The following SLC35D4 variants were observed in gnomAD, a reference collection of about 807,000 sequenced individuals.
SLC35D4 encodes UDP-N-acetylglucosamine transporter SLC35D4.
At chr18:23,387,902 T>C in the SLC35D4 span, among the ~76,000 whole-genome samples, 1 of 152,214 alleles carries the variant, frequency 6.6e-6, no homozygotes, top group Non-Finnish European at 1.5e-5. Context: ...TTAAGATTAT[T>C]AAAGAGATTA....
At chr18:23,321,154 G>A in the SLC35D4 span, among the ~76,000 whole-genome samples, 2 of 152,120 alleles carry the variant, frequency 1.3e-5, no homozygotes, top group Admixed American at 1.3e-4. Context: ...CCCTTACCAT[G>A]AGGAAAACAG....
the SLC35D4 span, among the ~76,000 whole-genome samples, chr18:23,307,660 T>C: frequency 6.6e-6 from 1 of 152,210 alleles, no homozygotes; most frequent in African/African-American, 2.4e-5. Context: ...CACAGCTGGG[T>C]CCTCTCCGAC....
chr18:23,379,161 T>C, the SLC35D4 span, among the ~76,000 whole-genome samples: 1 of 151,460 alleles, frequency 6.6e-6, no homozygotes, highest in Non-Finnish European at 1.5e-5. Context: ...TCTTGCTCTG[T>C]TGCCCAGGAT....
the SLC35D4 span, among the ~76,000 whole-genome samples, chr18:23,304,724 T>A: frequency 6.6e-6 from 1 of 151,982 alleles, no homozygotes; most frequent in Admixed American, 6.6e-5. Flanking sequence ...GAAGATTAGC[T>A]CCCTGCTTCA....
At chr18:23,280,537 C>T in the SLC35D4 span, among the ~76,000 whole-genome samples, 1 of 152,204 alleles carries the variant, frequency 6.6e-6, no homozygotes, top group African/African-American at 2.4e-5. Context: ...TTGCTACACA[C>T]GTGAACACGA....
chr18:23,352,713 G>C, the SLC35D4 span, among the ~76,000 whole-genome samples: 3 of 152,174 alleles, frequency 2.0e-5, no homozygotes, highest in Non-Finnish European at 4.4e-5. Flanking sequence ...AGAGAGTCTG[G>C]ACTGGCCTCC....
At chr18:23,246,575 TA>T in the SLC35D4 span, among the ~76,000 whole-genome samples, 1 of 151,834 alleles carries the variant, frequency 6.6e-6, no homozygotes, top group Admixed American at 6.6e-5. Flanking sequence ...GTGTTTTTAG[TA>T]GAGATGGGGT....
chr18:23,415,001 A>G, the SLC35D4 span, among the ~76,000 whole-genome samples: 1 of 152,108 alleles, frequency 6.6e-6, no homozygotes, highest in African/African-American at 2.4e-5. Context: ...AGTTTCAGCT[A>G]CTCAGGAGGC....
At chr18:23,308,874 CTCTGTGTGTG>C in the SLC35D4 span, among the ~76,000 whole-genome samples, 1 of 144,184 alleles carries the variant, frequency 6.9e-6, no homozygotes, top group Admixed American at 7.0e-5. Context: ...CTCTCTCTCT[CTCTGTGTGTG>C]TGTGTGTGTG....
At chr18:23,269,179 A>T in the SLC35D4 span, among the ~76,000 whole-genome samples, 1 of 152,184 alleles carries the variant, frequency 6.6e-6, no homozygotes, top group Non-Finnish European at 1.5e-5. Flanking sequence ...CTCATCTTGA[A>T]TTGTAGCTCC....
the SLC35D4 span, among the ~76,000 whole-genome samples, chr18:23,413,219 T>C: frequency 6.6e-6 from 1 of 152,246 alleles, no homozygotes. Flanking sequence ...CCCAGCTCTC[T>C]GATCATGCAG....
the SLC35D4 span, among the ~76,000 whole-genome samples, chr18:23,246,106 A>G: frequency 6.6e-6 from 1 of 152,164 alleles, no homozygotes; most frequent in Non-Finnish European, 1.5e-5. Context: ...TCTACTAAAA[A>G]TGCAAAAATT....
chr18:23,289,321 T>C, the SLC35D4 span, among the ~76,000 whole-genome samples: 1 of 152,214 alleles, frequency 6.6e-6, no homozygotes, highest in Non-Finnish European at 1.5e-5. Context: ...TCCTAGGTCC[T>C]CCCAATTCTA....
At chr18:23,244,932 AAATG>A in the SLC35D4 span, among the ~76,000 whole-genome samples, 1 of 152,206 alleles carries the variant, frequency 6.6e-6, no homozygotes, top group African/African-American at 2.4e-5. Flanking sequence ...GGAAAGTAGG[AAATG>A]AAGGAGGCCG....
the SLC35D4 span, among the ~76,000 whole-genome samples, chr18:23,408,772 T>C: frequency 6.6e-6 from 1 of 151,792 alleles, no homozygotes; most frequent in African/African-American, 2.4e-5. Context: ...AAACTTAGAA[T>C]CTTGGAATAG....
At chr18:23,257,385 G>A in the SLC35D4 span, 3 of 1,570,036 alleles carry the variant, frequency 1.9e-6, no homozygotes, top group Non-Finnish European at 2.6e-6. Context: ...CCCGAGGACA[G>A]CCAAGGGCCA....
At chr18:23,426,925 C>T in the SLC35D4 span, among the ~76,000 whole-genome samples, 13 of 152,230 alleles carry the variant, frequency 8.5e-5, no homozygotes, top group Admixed American at 5.2e-4. Flanking sequence ...GGAAAGGATT[C>T]CCTATTTAAT....
the SLC35D4 span, among the ~76,000 whole-genome samples, chr18:23,429,140 C>A: frequency 6.6e-6 from 1 of 152,116 alleles, no homozygotes; most frequent in Admixed American, 6.5e-5. Flanking sequence ...ATGCATAGTG[C>A]TGTGATAAAA....
the SLC35D4 span, chr18:23,259,817 C>T: frequency 1.3e-5 from 2 of 152,262 alleles, no homozygotes; most frequent in African/African-American, 4.8e-5. Context: ...GAGGTTTTGC[C>T]CTTTGACCTC....
Sources: allele counts gnomAD v4.1 joint callset (sites outside exome capture counted in the v4.1 genomes callset), GRCh38; gene constraint gnomAD v4.1.1; transcripts MANE v1.5; gene names NCBI Gene and HGNC (gene_info 2026-07-23, HGNC 2026-07-21).